The following UGGT2 variants were observed in gnomAD, a reference collection of about 807,000 sequenced individuals.
UGGT2 encodes UDP-glucose glycoprotein glucosyltransferase 2.
In UGGT2, 180 loss-of-function variants were observed where a neutral mutation model predicts 192.1. That is an observed-to-expected ratio of 0.94 (90% confidence interval 0.83 to 1.06). UGGT2 has a LOEUF of 1.06. Ranked by LOEUF, UGGT2 falls within the 50% of genes least tolerant of loss-of-function variation. UGGT2 has a pLI of 0.00. For synonymous variants in UGGT2, 580 were observed against 591.0 expected, an observed-to-expected ratio of 0.98 and a Z score of 0.27; for missense variants, 1,849 against 1,795.7, an observed-to-expected ratio of 1.03 and a Z score of -0.54.
intron 33 of UGGT2, among the ~76,000 whole-genome samples, chr13:95,857,502 T>C (rs1211664840): frequency 6.6e-6 from 1 of 152,098 alleles, no homozygotes; most frequent in East Asian, 1.9e-4. Flanking sequence ...AATAATTATG[T>C]GTAAGTATGT....
rs1214426830 is a variant in UGGT2 at position 96,010,432 on chromosome 13, A to T, written c.660+2875T>A. 2.0e-5 allele frequency among the ~76,000 whole-genome samples: 3 copies of T among 152,152 alleles called. No individual in the cohort carries two copies. In the East Asian group the frequency reaches 5.8e-4, roughly 29 times the overall value. ...CCAGAACTTAAAAAATTAAAAATAA[A>T]CCCTTCCTCTAATATGACAGTTAAT... On this transcript the variant is annotated intron_variant, in intron 5 of 38. Transcript: ENST00000376747.
chr13:96,007,621 A>G (rs981667307), intron 5 of UGGT2, among the ~76,000 whole-genome samples: 1 of 152,210 alleles, frequency 6.6e-6, no homozygotes, highest in Non-Finnish European at 1.5e-5. Flanking sequence ...TATAAAATCA[A>G]TATACAAAAT....
At chr13:95,932,149 G>C (rs541393630) in intron 17 of UGGT2, among the ~76,000 whole-genome samples, 2 of 152,242 alleles carry the variant, frequency 1.3e-5, no homozygotes, top group South Asian at 2.1e-4. Flanking sequence ...AGATTGTGTT[G>C]GGCAGTATGG....
chr13:95,900,422 C>T lies in UGGT2; in HGVS notation c.2634+385G>A, dbSNP rs561121332. On this transcript the variant is annotated intron_variant, in intron 22 of 38. Transcript: ENST00000376747. ...GAAAATAGTATCTAATGCCATTTAACATACACAACTGTAGGAACAAGAAGA... is the reference window on the plus strand; with the variant it reads ...GAAAATAGTATCTAATGCCATTTAATATACACAACTGTAGGAACAAGAAGA... 1.5e-4 allele frequency among the ~76,000 whole-genome samples: 23 copies of T among 152,234 alleles called. No individual in the cohort carries two copies. The South Asian group carries it at 4.8e-3, about 32-fold the overall frequency.
At chr13:96,036,319 C>T (rs752223300) in intron 1 of UGGT2, among the ~76,000 whole-genome samples, 3 of 152,226 alleles carry the variant, frequency 2.0e-5, no homozygotes, top group South Asian at 4.2e-4. Flanking sequence ...ACCCAAACAC[C>T]GCATGTTTTC....
At chr13:95,814,484 T>C (rs943219833) in intron 38 of UGGT2, among the ~76,000 whole-genome samples, 1 of 152,248 alleles carries the variant, frequency 6.6e-6, no homozygotes, top group Non-Finnish European at 1.5e-5. Flanking sequence ...GCCAATTTTT[T>C]CCTTTTGGAA....
At chr13:95,886,144 A>G (rs182326072) in intron 26 of UGGT2, among the ~76,000 whole-genome samples, 46 of 152,274 alleles carry the variant, frequency 3.0e-4, no homozygotes, top group African/African-American at 1.0e-3. Context: ...AAAAAAGAAG[A>G]AAGATGCCTC....
rs773698934 is a variant in UGGT2 at position 95,932,650 on chromosome 13, G to A, written c.1977+4274C>T. ...TGATGAATAGGAATAGTGAGACTGG[G>A]CATCCTTTTCCTGTTCCAGTCCTCA... On this transcript the variant is annotated intron_variant, in intron 17 of 38. Coordinates refer to ENST00000376747, the MANE Select transcript of UGGT2 (RefSeq NM_020121.4). 8.1e-4 allele frequency among the ~76,000 whole-genome samples: 123 copies of A among 152,192 alleles called. 2 individuals carry two copies. The highest frequency in any genetic ancestry group is 1.5e-3 in the Non-Finnish European group (101 of 68,008).
chr13:95,964,619 T>A (rs1167977994), intron 12 of UGGT2, among the ~76,000 whole-genome samples: 1 of 151,996 alleles, frequency 6.6e-6, no homozygotes. Context: ...AAATAAACAA[T>A]CTTATTTTTA....
Position 95,884,517 on chromosome 13 carries a change from C to T in UGGT2, c.3202G>A (p.Asp1068Asn), listed in dbSNP as rs2047588530. 6.2e-7 allele frequency: 1 copy of T among 1,612,154 alleles called. No individual in the cohort carries two copies. The highest frequency in any genetic ancestry group is 8.5e-7 in the Non-Finnish European group (1 of 1,179,240). ...WLVETVHSNC[D>N]LDNIHLKDTE... Reference sequence around the variant, plus strand: ...TCCTTTAAGTGAATATTATCAAGGTCACAGTTGCTGTGCACTGTTTCAACC... The same window carrying T: ...TCCTTTAAGTGAATATTATCAAGGTTACAGTTGCTGTGCACTGTTTCAACC... The change falls in exon 27 of 39, where the codon GAC becomes AAC. Residue 1068 changes from aspartate to asparagine, a missense_variant. Asp to Asn is a conservative substitution (Grantham distance 23). Transcript: ENST00000376747.
intron 37 of UGGT2, among the ~76,000 whole-genome samples, chr13:95,834,775 C>T (rs186289633): frequency 2.0e-5 from 3 of 152,234 alleles, no homozygotes; most frequent in East Asian, 1.9e-4. Flanking sequence ...GCTCCTGTTA[C>T]ATCTAGATAT....
intron 5 of UGGT2, among the ~76,000 whole-genome samples, chr13:96,001,181 A>G (rs2051789722): frequency 6.6e-6 from 1 of 152,222 alleles, no homozygotes; most frequent in Admixed American, 6.5e-5. Flanking sequence ...AAGTAACTGA[A>G]GAATCACAAA....
rs780603434 is a variant in UGGT2 at position 95,837,084 on chromosome 13, A to C, written c.4401+2T>G. On this transcript the variant is annotated splice_donor_variant, in intron 37 of 38. Coordinates refer to ENST00000376747, the MANE Select transcript of UGGT2 (RefSeq NM_020121.4). LOFTEE classifies it high-confidence loss of function. Reference sequence around the variant, plus strand: ...CATACAAATGAAAACAAAGACACTCACCAGATCAATTGTTTTGGCTCTTTG... The same window carrying C: ...CATACAAATGAAAACAAAGACACTCCCCAGATCAATTGTTTTGGCTCTTTG... 6.3e-7 allele frequency: 1 copy of C among 1,596,934 alleles called. No homozygotes were observed. The highest frequency in any genetic ancestry group is 1.1e-5 in the South Asian group (1 of 90,698).
chr13:95,889,214 T>C (rs899830613), intron 25 of UGGT2, among the ~76,000 whole-genome samples: 26 of 152,250 alleles, frequency 1.7e-4, no homozygotes, highest in Admixed American at 1.4e-3. Context: ...CTTTCAGATA[T>C]GATTGCTTTC....
chr13:95,856,314 C>A lies in UGGT2; in HGVS notation c.3852G>T (p.Glu1284Asp), dbSNP rs937380104. The A allele has an allele frequency of 3.1e-6, 5 of 1,610,288 alleles. No individual in the cohort carries two copies. The Admixed American group carries it at 8.5e-5, about 27-fold the overall frequency. Residue 1284 changes from glutamate to aspartate, a missense_variant, in exon 34 of 39, where the codon GAG (glutamate) becomes GAT (aspartate). Physicochemically the swap from Glu to Asp is conservative, Grantham distance 45 (BLOSUM62 2). Transcript: ENST00000376747. ...FKEVIPHMAK[E>D]YGFRYELVQY... is the part of the protein sequence containing the mutation. ...GAACTAGTTCATATCGGAATCCATA[C>A]TCTTTAGCCATGTGAGGAATTACTT...
chr13:95,999,455 T>C (rs2051728367), intron 5 of UGGT2, 148 bp from the exon 6 acceptor site: 7 of 674,730 alleles, frequency 1.0e-5, no homozygotes, highest in Non-Finnish European at 1.8e-5. Flanking sequence ...GGGTTGTTTA[T>C]ATTGTCTCTA....
At chr13:95,966,756 A>G (rs1263846559) in intron 12 of UGGT2, among the ~76,000 whole-genome samples, 1 of 152,148 alleles carries the variant, frequency 6.6e-6, no homozygotes, top group Non-Finnish European at 1.5e-5. Flanking sequence ...CCATGGTTAA[A>G]AGTTTGGAAT....
At chr13:95,826,947 A>G (rs992122367) in intron 38 of UGGT2, among the ~76,000 whole-genome samples, 5 of 152,202 alleles carry the variant, frequency 3.3e-5, no homozygotes, top group African/African-American at 9.6e-5. Context: ...AAAACATAAT[A>G]TAAGTCCTTA....
chr13:96,047,655 T>C (rs1384372980), intron 1 of UGGT2, among the ~76,000 whole-genome samples: 1 of 151,258 alleles, frequency 6.6e-6, no homozygotes, highest in Admixed American at 6.6e-5. Context: ...ACCAAGCAAA[T>C]GGGAAACAAA....
Sources: allele counts gnomAD v4.1 joint callset (sites outside exome capture counted in the v4.1 genomes callset), GRCh38; gene constraint gnomAD v4.1.1; transcripts MANE v1.5; gene names NCBI Gene and HGNC (gene_info 2026-07-23, HGNC 2026-07-21).